ANK3: variants seen among roughly 807,000 people sequenced by gnomAD.
The protein encoded by ANK3 is ankyrin-3.
ANK3 carries 57 observed loss-of-function variants against 370.9 expected under a neutral mutation model. The ratio of observed to expected loss-of-function variants is 0.15; its 90% CI spans 0.12 to 0.19. The LOEUF is 0.19. Ranked by LOEUF, ANK3 falls within the 10% of genes least tolerant of loss-of-function variation. The probability of loss-of-function intolerance (pLI) is 1.00; values close to 1 mark genes in which losing one functional copy is unlikely to be tolerated. For synonymous variants in ANK3, 1,929 were observed against 1,946.3 expected, an observed-to-expected ratio of 0.99 and a Z score of 0.23; for missense variants, 4,439 against 5,302.1, an observed-to-expected ratio of 0.84 and a Z score of 5.06.
chr10:60,069,177 T>A lies in ANK3; in HGVS notation c.11704A>T (p.Thr3902Ser), dbSNP rs561149417. 6.2e-7 allele frequency: 1 copy of A among 1,614,210 alleles called. No individual in the cohort carries two copies. Among genetic ancestry groups the A allele is most frequent in the South Asian group, 1.1e-5 (1 of 91,078 alleles). ...TTTACATCTACACATGAAGAAGTAGTAAGGGCTTTGGTTTTCTCGGATTGA... is the reference window on the plus strand; with the variant it reads ...TTTACATCTACACATGAAGAAGTAGAAAGGGCTTTGGTTTTCTCGGATTGA... ...VSQSEKTKAL[T>S]TSSCVDVKSR... The change falls in exon 37 of 44, where the codon ACT (threonine) becomes TCT (serine). Residue 3902 changes from threonine (T) to serine (S), a missense_variant. Physicochemically the swap from Thr to Ser is moderately conservative, Grantham distance 58. Transcript: ENST00000280772.
intron 1 of ANK3, among the ~76,000 whole-genome samples, chr10:60,360,777 A>C (rs1050633573): frequency 1.3e-5 from 2 of 152,200 alleles, no homozygotes; most frequent in Non-Finnish European, 2.9e-5. Flanking sequence ...GGATTTATTG[A>C]AGCTTAAAGA....
chr10:60,429,655 T>G (rs2063969579), intron 2 of ANK3, among the ~76,000 whole-genome samples: 1 of 152,196 alleles, frequency 6.6e-6, no homozygotes, highest in Admixed American at 6.5e-5. Flanking sequence ...TGGCCCTGGC[T>G]TGGCTCCCAA....
At chr10:60,141,890 T>G (rs1357224167) in intron 23 of ANK3, among the ~76,000 whole-genome samples, 1 of 152,080 alleles carries the variant, frequency 6.6e-6, no homozygotes, top group Non-Finnish European at 1.5e-5. Flanking sequence ...GGGAAATACA[T>G]GGAAATAGAA....
At chr10:60,217,949 C>T (rs369602061) in intron 8 of ANK3, among the ~76,000 whole-genome samples, 21 of 152,210 alleles carry the variant, frequency 1.4e-4, no homozygotes, top group African/African-American at 4.8e-4. Context: ...TTATTGGGTG[C>T]CTATATATTT....
At chr10:60,240,836 C>A (rs549249927) in intron 7 of ANK3, among the ~76,000 whole-genome samples, 23 of 152,322 alleles carry the variant, frequency 1.5e-4, no homozygotes, top group African/African-American at 5.3e-4. Context: ...AAGTGATCGC[C>A]CACCTTGGCC....
chr10:60,275,944 A>G (rs964120586), intron 4 of ANK3, among the ~76,000 whole-genome samples: 2 of 152,190 alleles, frequency 1.3e-5, no homozygotes, highest in Non-Finnish European at 2.9e-5. Flanking sequence ...TACATCTAAT[A>G]TAAAGTATTA....
intron 2 of ANK3, among the ~76,000 whole-genome samples, chr10:60,414,775 C>T (rs755834511): frequency 6.6e-6 from 1 of 152,196 alleles, no homozygotes; most frequent in Non-Finnish European, 1.5e-5. Context: ...TTGGTGGCAG[C>T]TACCTTCACC....
intron 13 of ANK3, 65 bp from the exon 14 acceptor site, chr10:60,198,602 T>A: frequency 6.8e-7 from 1 of 1,468,542 alleles, no homozygotes. Flanking sequence ...TTATGAAAAA[T>A]TCAGGGAATA....
At chr10:60,625,805 T>G (rs1275943263) in intron 1 of ANK3, among the ~76,000 whole-genome samples, 4 of 152,196 alleles carry the variant, frequency 2.6e-5, no homozygotes, top group Non-Finnish European at 5.9e-5. Context: ...CTAAAAGTTT[T>G]TCAAAAGAAT....
chr10:60,111,813 A>C (rs1374679277), intron 26 of ANK3: 3 of 448,888 alleles, frequency 6.7e-6, no homozygotes, highest in South Asian at 4.8e-5. Flanking sequence ...ATGTAATATA[A>C]TTAGAAGCAA....
At chr10:60,677,960 C>T (rs763824530) in intron 1 of ANK3, among the ~76,000 whole-genome samples, 1 of 152,090 alleles carries the variant, frequency 6.6e-6, no homozygotes, top group Non-Finnish European at 1.5e-5. Flanking sequence ...CTCAGACTGC[C>T]CTACTTACTA....
chr10:60,139,669 A>C (rs953430786), intron 23 of ANK3: 2 of 152,948 alleles, frequency 1.3e-5, no homozygotes, highest in African/African-American at 4.8e-5. Flanking sequence ...CTATCAAATT[A>C]ACAACAGCCC....
At chr10:60,661,721 A>C (rs2078937728) in intron 1 of ANK3, among the ~76,000 whole-genome samples, 1 of 152,208 alleles carries the variant, frequency 6.6e-6, no homozygotes, top group African/African-American at 2.4e-5. Flanking sequence ...ATGAATGGCA[A>C]ACATTTTGTT....
chr10:60,340,034 A>C (rs544011348), intron 1 of ANK3, among the ~76,000 whole-genome samples: 6 of 152,340 alleles, frequency 3.9e-5, no homozygotes, highest in African/African-American at 1.4e-4. Context: ...AGCTTTCTGC[A>C]TACTTTCTCA....
chr10:60,640,984 T>C (rs1342447666), intron 1 of ANK3, among the ~76,000 whole-genome samples: 1 of 140,726 alleles, frequency 7.1e-6, no homozygotes, highest in Admixed American at 7.4e-5. Context: ...TATATACCAA[T>C]AACAGACAAA....
chr10:60,386,936 G>T (rs1396389162), intron 1 of ANK3, among the ~76,000 whole-genome samples: 1 of 152,156 alleles, frequency 6.6e-6, no homozygotes, highest in African/African-American at 2.4e-5. Context: ...TAGGCGGGTG[G>T]ATCACCTGAG....
At chr10:60,256,906 C>G (rs1348720247) in intron 7 of ANK3, among the ~76,000 whole-genome samples, 2 of 152,180 alleles carry the variant, frequency 1.3e-5, no homozygotes, top group African/African-American at 4.8e-5. Context: ...TGTGTCTTTG[C>G]TATCATAAAT....
At chr10:60,235,648 G>A (rs368041936) in intron 7 of ANK3, among the ~76,000 whole-genome samples, 5 of 141,318 alleles carry the variant, frequency 3.5e-5, no homozygotes, top group South Asian at 4.6e-4. Context: ...CGATCCTCTC[G>A]CCTCAGCCTC....
chr10:60,687,527 TA>T (rs143949141), intron 1 of ANK3, among the ~76,000 whole-genome samples: 2 of 146,886 alleles, frequency 1.4e-5, no homozygotes, highest in Admixed American at 6.7e-5. Context: ...TAGGCTGGTA[TA>T]AAAAAAAACA....
Sources: gnomAD v4.1 joint callset for allele counts (sites outside exome capture counted in the v4.1 genomes callset) on GRCh38, gnomAD v4.1.1 for gene constraint, MANE v1.5 for transcripts, NCBI Gene and HGNC (gene_info 2026-07-23, HGNC 2026-07-21) for gene names.